The following TENT5C variants were observed in gnomAD, a reference collection of about 807,000 sequenced individuals.
The protein encoded by TENT5C is terminal nucleotidyltransferase 5C.
TENT5C carries 5 observed loss-of-function variants against 22.2 expected under a neutral mutation model. The observed-to-expected ratio is 0.22, with a 90% CI of 0.12 to 0.47. The LOEUF (loss-of-function observed/expected upper bound fraction) is 0.47. Among genes scored for constraint, TENT5C ranks in the 20% least tolerant of loss-of-function variants. The probability of loss-of-function intolerance (pLI) is 0.99; values close to 1 mark genes in which losing one functional copy is unlikely to be tolerated. For missense variants in TENT5C, 364 were observed against 500.9 expected, an observed-to-expected ratio of 0.73 and a Z score of 2.61; for synonymous variants, 199 against 195.4, an observed-to-expected ratio of 1.02 and a Z score of -0.15.
In TENT5C at chr1:117,627,710, A is replaced by G. The variant is rs535478278; in HGVS notation, c.*3666A>G. Reference sequence around the variant, plus strand: ...ACAGCTCGCTTTGGAACATATTCCAATTCAACCAGTTAAAATCAGAGGACC... The same window carrying G: ...ACAGCTCGCTTTGGAACATATTCCAGTTCAACCAGTTAAAATCAGAGGACC... On this transcript the variant is annotated 3_prime_UTR_variant, in exon 2 of 2. Coordinates refer to ENST00000369448, the MANE Select transcript of TENT5C (RefSeq NM_017709.4). The G allele has an allele frequency of 4.0e-5, 10 of 248,138 alleles. No individual in the cohort carries two copies. In the East Asian group the frequency reaches 6.0e-4, roughly 15 times the overall value. 15.4% of individuals were successfully genotyped at this position (248,138 alleles called of 1,614,324 possible).
In TENT5C at chr1:117,627,185, A is replaced by C. The variant is rs540695371; in HGVS notation, c.*3141A>C. On this transcript the variant is annotated 3_prime_UTR_variant, in exon 2 of 2. Coordinates refer to ENST00000369448, the MANE Select transcript of TENT5C (RefSeq NM_017709.4). ...ATAGATGCTACAGATGTAGTTTGGCATTTCAGTTTTTGTCCAGTTTGATTT... is the reference window on the plus strand; with the variant it reads ...ATAGATGCTACAGATGTAGTTTGGCCTTTCAGTTTTTGTCCAGTTTGATTT... The C allele has an allele frequency of 8.1e-6, 2 of 248,054 alleles. No individual in the cohort carries two copies. Among genetic ancestry groups the C allele is most frequent in the African/African-American group, 4.4e-5 (2 of 45,344 alleles). The allele number at this position is 248,054 out of a possible 1,614,324, so 15.4% of individuals were successfully genotyped here.
intron 1 of TENT5C, 25 bp from the exon 2 acceptor site, chr1:117,622,817 T>G (rs1653923222): frequency 6.5e-7 from 1 of 1,535,256 alleles, no homozygotes; most frequent in Non-Finnish European, 8.9e-7. Flanking sequence ...GAATCCTAAC[T>G]CTGCTTCTCA....
At chr1:117,616,699 G>A (rs757930106) in intron 1 of TENT5C, among the ~76,000 whole-genome samples, 2 of 152,204 alleles carry the variant, frequency 1.3e-5, no homozygotes, top group African/African-American at 2.4e-5. Flanking sequence ...CAGAAATAGT[G>A]AAAGAGAATT....
rs1654043559 is a variant in TENT5C, at chr1:117,627,840, A to T, written c.*3796A>T. On this transcript the variant is annotated 3_prime_UTR_variant, in exon 2 of 2. Transcript: ENST00000369448. ...CTCTAAGGTTAAGATCAGGAAATAA[A>T]AGACTGTGTGTGTGTGTGTGTGTGC... 1 of 238,988 alleles carries T rather than the reference A, an allele frequency of 4.2e-6. No homozygotes were observed. The allele number at this position is 238,988 out of a possible 1,614,324, so 14.8% of individuals were successfully genotyped here.
In TENT5C at chr1:117,623,858, G is replaced by T; in HGVS notation, c.990G>T (p.Leu330=). Residue 330 remains leucine, a synonymous_variant, in exon 2 of 2, where the codon CTG becomes CTT. Transcript: ENST00000369448. ...TGGGGCATGAACGCAGGCAGACTCT[G>T]AACCTCATCTCCCTCCTGGCCTTGC... is the stretch of plus-strand genomic sequence containing the variant. ...CLMGHERRQT[L]NLISLLALRV... 1 of 1,614,138 alleles carries T rather than the reference G, an allele frequency of 6.2e-7. No homozygotes were observed. The highest frequency in any genetic ancestry group is 8.5e-7 in the Non-Finnish European group (1 of 1,180,020).
rs1215190601 is a variant in TENT5C, at chr1:117,626,213, G to T, written c.*2169G>T. ...TAGAAGGCTTGGGGCCCAGGGTAAT[G>T]AGGCACCAGATGAAGATAAGATCTG... On this transcript the variant is annotated 3_prime_UTR_variant, in exon 2 of 2. Coordinates refer to ENST00000369448, the MANE Select transcript of TENT5C (RefSeq NM_017709.4). 1.2e-5 allele frequency: 3 copies of T among 247,814 alleles called. No homozygotes were observed. The highest frequency in any genetic ancestry group is 2.5e-5 in the Non-Finnish European group (3 of 117,990). The allele number at this position is 247,814 out of a possible 1,614,324, so 15.4% of individuals were successfully genotyped here. A position where few individuals can be genotyped will look rare whatever the true frequency, so the allele number is the denominator to read the frequency against.
chr1:117,611,309 C>G (rs1452792884), intron 1 of TENT5C, among the ~76,000 whole-genome samples: 4 of 152,230 alleles, frequency 2.6e-5, no homozygotes, highest in Non-Finnish European at 5.9e-5. Flanking sequence ...AGCTGCTCAG[C>G]TAGAGCTAGC....
intron 1 of TENT5C, among the ~76,000 whole-genome samples, chr1:117,618,504 A>G (rs779989436): frequency 2.0e-4 from 30 of 151,742 alleles, no homozygotes; most frequent in Non-Finnish European, 4.1e-4. Context: ...CCTTATCTGT[A>G]GAGATCAGCA....
At chr1:117,619,589 T>TA (rs1036098171) in intron 1 of TENT5C, among the ~76,000 whole-genome samples, 26 of 151,786 alleles carry the variant, frequency 1.7e-4, no homozygotes, top group East Asian at 9.7e-4. Flanking sequence ...GTGACTTATT[T>TA]AAAAAAAAAC....
At chr1:117,608,971 A>G (rs755720925) in intron 1 of TENT5C, among the ~76,000 whole-genome samples, 1 of 152,164 alleles carries the variant, frequency 6.6e-6, no homozygotes, top group Non-Finnish European at 1.5e-5. Context: ...CTTGGGTTAG[A>G]TAAGGTCTGT....
intron 1 of TENT5C, among the ~76,000 whole-genome samples, chr1:117,622,337 G>C (rs1266958853): frequency 6.9e-6 from 1 of 144,806 alleles, no homozygotes; most frequent in African/African-American, 2.9e-5. Flanking sequence ...GTGTGTGTGT[G>C]TGTGTGTGTG....
intron 1 of TENT5C, among the ~76,000 whole-genome samples, chr1:117,607,925 A>G (rs924116500): frequency 1.3e-5 from 2 of 152,170 alleles, no homozygotes; most frequent in African/African-American, 4.8e-5. Context: ...AGTCAAGCTT[A>G]GTTTATTTCA....
chr1:117,622,922 C>T lies in TENT5C; in HGVS notation c.54C>T (p.Asn18=). 1 of 1,614,168 alleles carries T rather than the reference C, an allele frequency of 6.2e-7. No homozygotes were observed. The highest frequency in any genetic ancestry group is 8.5e-7 in the Non-Finnish European group (1 of 1,180,018). Residue 18 remains asparagine, a synonymous_variant, in exon 2 of 2, where the codon AAC becomes AAT. Transcript: ENST00000369448. The stretch of plus-strand genomic sequence containing the variant: ...ATTGCATGTCCTTCAGCGTGCTCAA[C>T]TGGGATCAGGTTAGCCGGCTGCATG... The part of the protein sequence containing the change: ...TRDCMSFSVL[N]WDQVSRLHEV...
At chr1:117,609,567 T>C (rs748468230) in intron 1 of TENT5C, among the ~76,000 whole-genome samples, 30 of 152,300 alleles carry the variant, frequency 2.0e-4, no homozygotes, top group Non-Finnish European at 3.4e-4. Context: ...TCCTAGGCAG[T>C]AGCTAGTGCC....
Position 117,627,004 on chromosome 1 carries a change from A to G in TENT5C, c.*2960A>G, listed in dbSNP as rs755433587. 1.2e-5 allele frequency: 3 copies of G among 248,030 alleles called. No homozygotes were observed. The highest frequency in any genetic ancestry group is 2.2e-5 in the African/African-American group (1 of 45,324). The allele number at this position is 248,030 out of a possible 1,614,324, so 15.4% of individuals were successfully genotyped here. ...TTAAATCTTACCTTGGCAGTAACAC[A>G]TTATTCCTCATTCAATAATTTCAAT... is the stretch of plus-strand genomic sequence containing the variant. On this transcript the variant is annotated 3_prime_UTR_variant, in exon 2 of 2. Coordinates refer to ENST00000369448, the MANE Select transcript of TENT5C (RefSeq NM_017709.4).
chr1:117,611,915 G>T (rs1570856845), intron 1 of TENT5C, among the ~76,000 whole-genome samples: 1 of 152,306 alleles, frequency 6.6e-6, no homozygotes, highest in East Asian at 1.9e-4. Flanking sequence ...ATTTCAGTAT[G>T]TAATCAATAT....
rs145471785 is a variant in TENT5C at position 117,623,763 on chromosome 1, G to A, written c.895G>A (p.Glu299Lys). 8.9e-3 allele frequency: 14,379 copies of A among 1,614,198 alleles called. 72 individuals carry two copies. Among genetic ancestry groups the A allele is most frequent in the Non-Finnish European group, 0.011 (12,781 of 1,180,052 alleles). The change falls in exon 2 of 2, where the codon GAA (glutamate) becomes AAA (lysine). Residue 299 changes from glutamate (E) to lysine (K), a missense_variant. Glu to Lys is a moderately conservative substitution (Grantham distance 56). Coordinates refer to ENST00000369448, the MANE Select transcript of TENT5C (RefSeq NM_017709.4). ...TTACCTTCAAAACCACTTCGCTGAA[G>A]AAGAGAGAAGCAAGTACGACTACCT... ...ETYLQNHFAEEERSKYDYLMI... is the reference protein window; with the variant it reads ...ETYLQNHFAEKERSKYDYLMI...
At position 117,625,620 on chromosome 1, in the gene TENT5C, T is replaced by C. The variant is rs1016429630; in HGVS notation, c.*1576T>C. ...AAATTCATGCTCCTGATCTTTTTTTTCCCCCTTCCTTTGGCTATGAAAACC... is the reference window on the plus strand; with the variant it reads ...AAATTCATGCTCCTGATCTTTTTTTCCCCCCTTCCTTTGGCTATGAAAACC... On this transcript the variant is annotated 3_prime_UTR_variant, in exon 2 of 2. Coordinates refer to ENST00000369448, the MANE Select transcript of TENT5C (RefSeq NM_017709.4). The C allele has an allele frequency of 8.1e-6, 2 of 248,028 alleles. No individual in the cohort carries two copies. Among genetic ancestry groups the C allele is most frequent in the Non-Finnish European group, 1.7e-5 (2 of 118,128 alleles). 15.4% of individuals were successfully genotyped at this position (248,028 alleles called of 1,614,324 possible).
chr1:117,614,616 A>C (rs995922470), intron 1 of TENT5C, among the ~76,000 whole-genome samples: 2 of 152,084 alleles, frequency 1.3e-5, no homozygotes, highest in Non-Finnish European at 2.9e-5. Context: ...CTTTGATCTG[A>C]GAAGGTTGCC....
Sources: allele counts gnomAD v4.1 joint callset (sites outside exome capture counted in the v4.1 genomes callset), GRCh38; gene constraint gnomAD v4.1.1; transcripts MANE v1.5; gene names NCBI Gene and HGNC (gene_info 2026-07-23, HGNC 2026-07-21).